The following CNTNAP5 variants were observed in gnomAD, a reference collection of about 807,000 sequenced individuals.
CNTNAP5 encodes the protein contactin-associated protein-like 5.
Under a neutral mutation model 150.2 loss-of-function variants are expected in CNTNAP5, and 72 were observed. That is an observed-to-expected ratio of 0.48 (90% CI 0.40 to 0.58). CNTNAP5 has a LOEUF of 0.58. Ranked by LOEUF, CNTNAP5 falls within the 20% of genes least tolerant of loss-of-function variation. CNTNAP5 has a pLI of 0.00. For missense variants in CNTNAP5, 1,636 were observed against 1,626.2 expected, an observed-to-expected ratio of 1.01 and a Z score of -0.10; for synonymous variants, 672 against 619.8, an observed-to-expected ratio of 1.08 and a Z score of -1.25.
chr2:124,025,318 T>G lies in CNTNAP5; in HGVS notation c.-333T>G. Reference sequence around the variant, plus strand: ...AGCTCTCGCGCCCGACGAGGTGGATTTGGCTGTCCACCGAGCTCCGGCGCC... The same window carrying G: ...AGCTCTCGCGCCCGACGAGGTGGATGTGGCTGTCCACCGAGCTCCGGCGCC... On this transcript the variant is annotated 5_prime_UTR_variant, in exon 1 of 24. It adds an upstream start codon to the 5' untranslated region. Coordinates refer to ENST00000682447, the MANE Select transcript of CNTNAP5 (RefSeq NM_001367498.1). 3.3e-6 allele frequency: 1 copy of G among 299,552 alleles called. No homozygotes were observed. The highest frequency in any genetic ancestry group is 6.5e-6 in the Non-Finnish European group (1 of 153,114). 18.6% of individuals were successfully genotyped at this position (299,552 alleles called of 1,614,324 possible).
intron 21 of CNTNAP5, among the ~76,000 whole-genome samples, chr2:124,885,433 T>G (rs1202723936): frequency 6.6e-6 from 1 of 152,000 alleles, no homozygotes. Flanking sequence ...TCTTTATTTT[T>G]TATTGAAGTG....
intron 13 of CNTNAP5, among the ~76,000 whole-genome samples, chr2:124,691,698 A>G (rs1679303314): frequency 6.6e-6 from 1 of 152,048 alleles, no homozygotes; most frequent in South Asian, 2.1e-4. Context: ...TAATCATTCC[A>G]TGCGCTCAGT....
chr2:124,063,495 T>C (rs969479063), intron 1 of CNTNAP5, among the ~76,000 whole-genome samples: 3 of 152,184 alleles, frequency 2.0e-5, no homozygotes, highest in African/African-American at 7.2e-5. Flanking sequence ...GGTCTGGTTC[T>C]TGTTCTTACT....
At chr2:124,425,862 A>C (rs1169932290) in intron 4 of CNTNAP5, among the ~76,000 whole-genome samples, 1 of 152,192 alleles carries the variant, frequency 6.6e-6, no homozygotes, top group Non-Finnish European at 1.5e-5. Context: ...GAAGGAGTAC[A>C]GAATATGCTT....
chr2:124,915,517 A>G lies in CNTNAP5; in HGVS notation c.*1229A>G, dbSNP rs985890889. Reference sequence around the variant, plus strand: ...TCCAAGAAGTTTAGGATGCATTAACATAAGTGAAATGGTCACCTCTAGCTA... The same window carrying G: ...TCCAAGAAGTTTAGGATGCATTAACGTAAGTGAAATGGTCACCTCTAGCTA... On this transcript the variant is annotated 3_prime_UTR_variant, in exon 24 of 24. Transcript: ENST00000682447. 3.3e-5 allele frequency among the ~76,000 whole-genome samples: 5 copies of G among 152,094 alleles called. No individual in the cohort carries two copies. Among genetic ancestry groups the G allele is most frequent in the African/African-American group, 1.2e-4 (5 of 41,444 alleles).
chr2:124,749,236 T>G (rs1477380994), intron 14 of CNTNAP5, among the ~76,000 whole-genome samples: 1 of 152,094 alleles, frequency 6.6e-6, no homozygotes, highest in Admixed American at 6.5e-5. Context: ...ACTCTCACAG[T>G]GCATATTAGA....
intron 3 of CNTNAP5, among the ~76,000 whole-genome samples, chr2:124,318,312 T>G (rs751150383): frequency 2.0e-4 from 30 of 152,220 alleles, no homozygotes; most frequent in Non-Finnish European, 2.9e-4. Flanking sequence ...AGTGTTAAGC[T>G]AGAAACTGCT....
intron 7 of CNTNAP5, among the ~76,000 whole-genome samples, chr2:124,490,898 A>C (rs1694008862): frequency 6.6e-6 from 1 of 152,084 alleles, no homozygotes; most frequent in African/African-American, 2.4e-5. Context: ...GCTACTAGAA[A>C]ATTTTAAATT....
intron 12 of CNTNAP5, among the ~76,000 whole-genome samples, chr2:124,612,490 T>C (rs899812579): frequency 6.6e-6 from 1 of 152,126 alleles, no homozygotes; most frequent in Admixed American, 6.6e-5. Context: ...TTCATGTACA[T>C]GAAACTCTCT....
At position 124,093,787 on chromosome 2, in the gene CNTNAP5, T is replaced by C. The variant is rs537371966; in HGVS notation, c.82+68055T>C. 1.9e-3 allele frequency among the ~76,000 whole-genome samples: 297 copies of C among 152,350 alleles called. 2 individuals carry two copies. Among genetic ancestry groups the C allele is most frequent in the African/African-American group, 6.9e-3 (285 of 41,586 alleles). On this transcript the variant is annotated intron_variant, in intron 1 of 23. Coordinates refer to ENST00000682447, the MANE Select transcript of CNTNAP5 (RefSeq NM_001367498.1). Reference sequence around the variant, plus strand: ...CAATAATAAAAGCATTGCATTTGCATGTCAGCTTGATAGAGGTGAAAATAA... The same window carrying C: ...CAATAATAAAAGCATTGCATTTGCACGTCAGCTTGATAGAGGTGAAAATAA...
chr2:124,222,852 G>C (rs1439883752), intron 2 of CNTNAP5, among the ~76,000 whole-genome samples: 1 of 151,114 alleles, frequency 6.6e-6, no homozygotes, highest in Admixed American at 6.6e-5. Context: ...TGTTTGTCTT[G>C]TACTTCATTT....
Position 124,531,913 on chromosome 2 carries a change from C to T in CNTNAP5, c.1649+4457C>T, listed in dbSNP as rs188805486. 1.3e-3 allele frequency among the ~76,000 whole-genome samples: 201 copies of T among 152,316 alleles called. 1 individual carries two copies. The highest frequency in any genetic ancestry group is 4.6e-3 in the African/African-American group (191 of 41,580). ...GAGCACAGATTCAAGTTGCCCTGAA[C>T]AGACACTCAGTTTAGCAGCCATTGC... On this transcript the variant is annotated intron_variant, in intron 10 of 23. Coordinates refer to ENST00000682447, the MANE Select transcript of CNTNAP5 (RefSeq NM_001367498.1).
chr2:124,591,838 C>G (rs1696690963), intron 11 of CNTNAP5, among the ~76,000 whole-genome samples: 1 of 152,122 alleles, frequency 6.6e-6, no homozygotes, highest in South Asian at 2.1e-4. Context: ...TCAAACAAGT[C>G]TTGCTTTTAT....
In CNTNAP5 at chr2:124,578,156, CAAAA is replaced by C. The variant is rs556786620; in HGVS notation, c.1756+14854_1756+14857del. On this transcript the variant is annotated intron_variant, in intron 11 of 23. Coordinates refer to ENST00000682447, the MANE Select transcript of CNTNAP5 (RefSeq NM_001367498.1). ...GAAACCTCCGTCTCCACTAAAAATA[CAAAA>C]AAAAAAAAAAAAAAAAAAAATTAGC... is the stretch of plus-strand genomic sequence containing the variant. Among the ~76,000 whole-genome samples, 450 of 69,466 alleles carry C rather than the reference CAAAA, an allele frequency of 6.5e-3. 3 individuals carry two copies. Among genetic ancestry groups the C allele is most frequent in the African/African-American group, 0.021 (378 of 18,078 alleles). The allele number at this position is 69,466 out of a possible 152,430, so 45.6% of individuals were successfully genotyped here. A position where few individuals can be genotyped will look rare whatever the true frequency, so the allele number is the denominator to read the frequency against.
At chr2:124,582,691 G>GTT (rs35311681) in intron 11 of CNTNAP5, among the ~76,000 whole-genome samples, 1 of 151,206 alleles carries the variant, frequency 6.6e-6, no homozygotes, top group East Asian at 1.9e-4. Flanking sequence ...ATCCATGAAA[G>GTT]TTTTTTTTTC....
intron 23 of CNTNAP5, among the ~76,000 whole-genome samples, chr2:124,913,562 A>C (rs1481150552): frequency 6.6e-6 from 1 of 152,102 alleles, no homozygotes; most frequent in Non-Finnish European, 1.5e-5. Flanking sequence ...AATGTTCTAA[A>C]TTTATAGCGA....
chr2:124,494,777 C>A lies in CNTNAP5; in HGVS notation c.1063-9515C>A, dbSNP rs114002809. Among the ~76,000 whole-genome samples, 228 of 152,220 alleles carry A rather than the reference C, an allele frequency of 1.5e-3. 1 individual carries two copies. The highest frequency in any genetic ancestry group is 5.1e-3 in the African/African-American group (212 of 41,546). ...TCAAACCTAGATGCTTCTATTCCTA[C>A]CTGGATTACCTGCTATTATTTCTTT... On this transcript the variant is annotated intron_variant, in intron 7 of 23. Coordinates refer to ENST00000682447, the MANE Select transcript of CNTNAP5 (RefSeq NM_001367498.1).
At chr2:124,244,709 G>A (rs188413070) in intron 3 of CNTNAP5, among the ~76,000 whole-genome samples, 4 of 152,228 alleles carry the variant, frequency 2.6e-5, no homozygotes, top group Admixed American at 1.3e-4. Context: ...TACCATGACC[G>A]GTCATGTACA....
chr2:124,846,640 AG>A (rs1334925430), intron 19 of CNTNAP5, among the ~76,000 whole-genome samples: 1 of 152,178 alleles, frequency 6.6e-6, no homozygotes, highest in Non-Finnish European at 1.5e-5. Flanking sequence ...GGGGTGTTAA[AG>A]AAACTTGTTG....
Sources: gnomAD v4.1 joint callset for allele counts (sites outside exome capture counted in the v4.1 genomes callset) on GRCh38, gnomAD v4.1.1 for gene constraint, MANE v1.5 for transcripts, NCBI Gene and HGNC (gene_info 2026-07-23, HGNC 2026-07-21) for gene names.